Variants in RGS7 observed in about 807,000 individuals in gnomAD.
RGS7 encodes regulator of G protein signaling 7, also known as regulator of G-protein signaling 7.
In RGS7, 27 loss-of-function variants were observed where a neutral mutation model predicts 81.1. The ratio of observed to expected loss-of-function variants is 0.33; its 90% CI spans 0.25 to 0.46. RGS7 has a LOEUF of 0.46. Among genes scored for constraint, RGS7 ranks in the 20% least tolerant of loss-of-function variants. The probability of loss-of-function intolerance (pLI) is 1.00; values close to 1 mark genes in which losing one functional copy is unlikely to be tolerated. For synonymous variants in RGS7, 208 were observed against 207.7 expected (o/e 1.00, Z -0.01); for missense variants, 396 against 607.4 (o/e 0.65, Z 3.66).
chr1:241,221,263 A>C (rs1441910688), intron 2 of RGS7, among the ~76,000 whole-genome samples: 4 of 152,232 alleles, frequency 2.6e-5, no homozygotes, highest in Non-Finnish European at 5.9e-5. Context: ...TCTGCACTTC[A>C]GTTTAAAAAA....
rs190348526 is a variant in RGS7 at position 241,334,377 on chromosome 1, C to T, written c.78+21322G>A. Reference sequence around the variant, plus strand: ...AGAGCAATGGGGATGGGGAAACTCTCGGTACCACGGTCCTGGGATTGGCTG... The same window carrying T: ...AGAGCAATGGGGATGGGGAAACTCTTGGTACCACGGTCCTGGGATTGGCTG... On this transcript the variant is annotated intron_variant, in intron 2 of 18. Coordinates refer to ENST00000440928, the MANE Select transcript of RGS7 (RefSeq NM_001364886.1). 2.8e-3 allele frequency among the ~76,000 whole-genome samples: 422 copies of T among 152,226 alleles called. 3 individuals are homozygous for T. Among genetic ancestry groups the T allele is most frequent in the African/African-American group, 9.6e-3 (397 of 41,554 alleles).
At chr1:241,037,664 T>G in intron 3 of RGS7, among the ~76,000 whole-genome samples, 1 of 148,732 alleles carries the variant, frequency 6.7e-6, no homozygotes, top group East Asian at 2.0e-4. Flanking sequence ...GAGGTTGCAG[T>G]GAGCCGAGAT....
intron 2 of RGS7, among the ~76,000 whole-genome samples, chr1:241,300,600 T>C (rs2079693151): frequency 6.6e-6 from 1 of 151,676 alleles, no homozygotes; most frequent in Admixed American, 6.5e-5. Flanking sequence ...TGACAGCTCA[T>C]TTCATTTTAG....
intron 3 of RGS7, among the ~76,000 whole-genome samples, chr1:240,997,473 C>T (rs563207153): frequency 4.7e-4 from 72 of 152,234 alleles, no homozygotes; most frequent in South Asian, 1.7e-3. Flanking sequence ...CCTCTATGTA[C>T]ATTTAGAATC....
At position 240,812,106 on chromosome 1, in the gene RGS7, T is replaced by C. The variant is rs2275743; in HGVS notation, c.957-63A>G. The C allele has an allele frequency of 4.4e-6, 7 of 1,578,708 alleles. No homozygotes were observed. The East Asian group carries it at 1.6e-4, about 35-fold the overall frequency. On this transcript the variant is annotated intron_variant, in intron 13 of 18. Coordinates refer to ENST00000440928, the MANE Select transcript of RGS7 (RefSeq NM_001364886.1). The stretch of plus-strand genomic sequence containing the variant: ...ATTAGAATTCCCATTTTTTTGTTAT[T>C]ACATTCCCCTTCAAAATCATGTGTG...
At chr1:241,235,429 C>A (rs1028852690) in intron 2 of RGS7, among the ~76,000 whole-genome samples, 2 of 152,146 alleles carry the variant, frequency 1.3e-5, no homozygotes, top group African/African-American at 4.8e-5. Flanking sequence ...AGGCAGGAAC[C>A]AGGCAGCTCT....
intron 2 of RGS7, among the ~76,000 whole-genome samples, chr1:241,310,458 T>A (rs553973902): frequency 4.8e-5 from 5 of 104,470 alleles, no homozygotes; most frequent in African/African-American, 1.4e-4. Flanking sequence ...TGTGTGTGTG[T>A]GAGAGTGTGT....
chr1:240,851,307 C>T lies in RGS7; in HGVS notation c.609+17280G>A, dbSNP rs573639749. On this transcript the variant is annotated intron_variant, in intron 9 of 18. Transcript: ENST00000440928. Reference sequence around the variant, plus strand: ...TGCCTGTGTTCTACAAATGAAACAACAAATCCTGGATGACAGCAGATCTGT... The same window carrying T: ...TGCCTGTGTTCTACAAATGAAACAATAAATCCTGGATGACAGCAGATCTGT... Among the ~76,000 whole-genome samples the T allele has an allele frequency of 3.3e-5, 5 of 152,286 alleles. No individual in the cohort carries two copies. In the East Asian group the frequency reaches 7.7e-4, roughly 24 times the overall value.
At chr1:240,956,581 T>A (rs1680467552) in intron 4 of RGS7, among the ~76,000 whole-genome samples, 1 of 152,100 alleles carries the variant, frequency 6.6e-6, no homozygotes, top group Non-Finnish European at 1.5e-5. Flanking sequence ...CCAAAAAGTA[T>A]ACAATGACAA....
At chr1:241,289,181 C>T (rs1273948127) in intron 2 of RGS7, among the ~76,000 whole-genome samples, 1 of 152,222 alleles carries the variant, frequency 6.6e-6, no homozygotes, top group Non-Finnish European at 1.5e-5. Flanking sequence ...GCTTAGCACA[C>T]AAGCCTTCTG....
At chr1:241,307,197 T>C (rs1235474022) in intron 2 of RGS7, among the ~76,000 whole-genome samples, 1 of 152,226 alleles carries the variant, frequency 6.6e-6, no homozygotes, top group Non-Finnish European at 1.5e-5. Flanking sequence ...GAGAGGATCC[T>C]GAGACCATCT....
intron 2 of RGS7, among the ~76,000 whole-genome samples, chr1:241,248,099 GTA>G (rs2076638382): frequency 6.6e-6 from 1 of 152,016 alleles, no homozygotes. Flanking sequence ...GATACTGAAG[GTA>G]TGTTATTAGG....
At chr1:241,277,046 T>C (rs1477386329) in intron 2 of RGS7, among the ~76,000 whole-genome samples, 1 of 152,206 alleles carries the variant, frequency 6.6e-6, no homozygotes, top group Non-Finnish European at 1.5e-5. Flanking sequence ...ATCCTACTGT[T>C]TTTTACTTAA....
At chr1:241,229,053 A>T (rs946432157) in intron 2 of RGS7, among the ~76,000 whole-genome samples, 31 of 108,502 alleles carry the variant, frequency 2.9e-4, no homozygotes, top group African/African-American at 1.3e-3. Flanking sequence ...AGATCAAAAT[A>T]AAAAATTAAA....
chr1:241,048,866 G>A (rs576904448), intron 3 of RGS7, among the ~76,000 whole-genome samples: 7 of 152,126 alleles, frequency 4.6e-5, no homozygotes, highest in African/African-American at 1.2e-4. Context: ...ATGTGTTAAC[G>A]GGACCACACT....
chr1:241,253,558 C>T (rs549470493), intron 2 of RGS7, among the ~76,000 whole-genome samples: 99 of 152,262 alleles, frequency 6.5e-4, no homozygotes, highest in South Asian at 8.3e-4. Flanking sequence ...CAAGAGGCAA[C>T]GATGAAATAG....
chr1:241,093,411 A>G lies in RGS7; in HGVS notation c.175+5255T>C, dbSNP rs555237517. Reference sequence around the variant, plus strand: ...TTTATTGCTAATGTATATGTAATCTATTTCCCCAGCAACGGTAAAATACTA... The same window carrying G: ...TTTATTGCTAATGTATATGTAATCTGTTTCCCCAGCAACGGTAAAATACTA... On this transcript the variant is annotated intron_variant, in intron 3 of 18. Coordinates refer to ENST00000440928, the MANE Select transcript of RGS7 (RefSeq NM_001364886.1). Among the ~76,000 whole-genome samples, 11 of 152,302 alleles carry G rather than the reference A, an allele frequency of 7.2e-5. No homozygotes were observed. In the East Asian group the frequency reaches 1.5e-3, roughly 21 times the overall value.
At chr1:240,909,953 G>A (rs1671468262) in intron 6 of RGS7, among the ~76,000 whole-genome samples, 1 of 152,120 alleles carries the variant, frequency 6.6e-6, no homozygotes, top group South Asian at 2.1e-4. Flanking sequence ...ACTTCCATAA[G>A]TGTATTTAGC....
At chr1:241,296,835 C>T (rs2148479972) in intron 2 of RGS7, among the ~76,000 whole-genome samples, 1 of 152,286 alleles carries the variant, frequency 6.6e-6, no homozygotes, top group South Asian at 2.1e-4. Flanking sequence ...ATCTGTCATG[C>T]AGTAAGGTAG....
Sources: gnomAD v4.1 joint callset for allele counts (sites outside exome capture counted in the v4.1 genomes callset) on GRCh38, gnomAD v4.1.1 for gene constraint, MANE v1.5 for transcripts, NCBI Gene and HGNC (gene_info 2026-07-23, HGNC 2026-07-21) for gene names.